Variants in LARGE1 observed in about 807,000 individuals in gnomAD.
The protein encoded by LARGE1 is xylosyl- and glucuronyltransferase LARGE1.
LARGE1 carries 43 observed loss-of-function variants against 87.6 expected under a neutral mutation model. The observed-to-expected ratio is 0.49, with a 90% confidence interval of 0.38 to 0.63. The LOEUF is 0.63. LARGE1 is among the 30% of genes least tolerant of loss of function. The pLI is 0.00. For synonymous variants in LARGE1, 434 were observed against 394.6 expected (o/e 1.10, Z -1.18); for missense variants, 802 against 1,000.2 (o/e 0.80, Z 2.67).
chr22:33,484,996 C>T (rs2069506553), intron 6 of LARGE1, among the ~76,000 whole-genome samples: 1 of 150,502 alleles, frequency 6.6e-6, no homozygotes. Context: ...ACTGCAACCT[C>T]CAACTTCAGG....
At chr22:33,453,076 T>C (rs1465193189) in intron 6 of LARGE1, among the ~76,000 whole-genome samples, 1 of 152,208 alleles carries the variant, frequency 6.6e-6, no homozygotes, top group East Asian at 1.9e-4. Context: ...GCCAACTTCA[T>C]CATCTCTACA....
chr22:33,759,213 A>C (rs1031169193), intron 2 of LARGE1, among the ~76,000 whole-genome samples: 3 of 152,198 alleles, frequency 2.0e-5, no homozygotes, highest in African/African-American at 7.2e-5. Context: ...ATTAACTATC[A>C]AATTCCCTTT....
chr22:33,921,044 A>T (rs1445073161), upstream of LARGE1, among the ~76,000 whole-genome samples: 2 of 148,186 alleles, frequency 1.3e-5, no homozygotes, highest in Non-Finnish European at 3.0e-5. This position sits in a 1 kb window ranked among gnomAD's most constrained non-coding sequence, Gnocchi z 4.1. Context: ...GCCGGGGGGG[A>T]CCGCGAGCCG....
the LARGE1 span, among the ~76,000 whole-genome samples, chr22:33,139,895 G>A: frequency 2.6e-5 from 4 of 152,238 alleles, no homozygotes; most frequent in East Asian, 7.7e-4. Context: ...ATAATCTCTG[G>A]GCCATTTCTT....
At chr22:33,271,330 T>C (rs987808855), downstream of LARGE1, among the ~76,000 whole-genome samples, 1 of 152,224 alleles carries the variant, frequency 6.6e-6, no homozygotes, top group Non-Finnish European at 1.5e-5. Flanking sequence ...TGCCATATAT[T>C]AACCATGTGA....
chr22:33,121,041 G>C, the LARGE1 span, among the ~76,000 whole-genome samples: 19 of 152,050 alleles, frequency 1.2e-4, no homozygotes, highest in South Asian at 1.5e-3. Flanking sequence ...GGTAACATCT[G>C]TGGTGTCAAG....
intron 1 of LARGE1, among the ~76,000 whole-genome samples, chr22:33,775,456 C>T (rs1048033398): frequency 6.6e-6 from 1 of 152,248 alleles, no homozygotes; most frequent in African/African-American, 2.4e-5. Context: ...CCCACACCAA[C>T]TCTGCTTTTC....
At chr22:33,708,880 C>T (rs927409005) in intron 2 of LARGE1, among the ~76,000 whole-genome samples, 5 of 151,998 alleles carry the variant, frequency 3.3e-5, no homozygotes, top group East Asian at 1.9e-4. Context: ...ATTACAGGCG[C>T]GAGCCATCAC....
intron 1 of LARGE1, among the ~76,000 whole-genome samples, chr22:33,837,280 A>ACACACACACACACC (rs2063138050): frequency 7.0e-6 from 1 of 142,396 alleles, no homozygotes; most frequent in African/African-American, 2.6e-5. Flanking sequence ...ACACACACAC[A>ACACACACACACACC]CCTATACATA....
At chr22:33,598,626 T>C (rs1194186073) in intron 5 of LARGE1, among the ~76,000 whole-genome samples, 1 of 152,136 alleles carries the variant, frequency 6.6e-6, no homozygotes, top group Non-Finnish European at 1.5e-5. Context: ...ATACAGAGCT[T>C]GGTTTTCTGT....
chr22:33,790,605 A>G (rs1437480609), intron 1 of LARGE1, among the ~76,000 whole-genome samples: 1 of 152,246 alleles, frequency 6.6e-6, no homozygotes, highest in Non-Finnish European at 1.5e-5. Flanking sequence ...TTTATAACTC[A>G]ACAGAAATAC....
intron 7 of LARGE1, among the ~76,000 whole-genome samples, chr22:33,406,456 C>T (rs1037324169): frequency 9.2e-5 from 14 of 152,210 alleles, no homozygotes; most frequent in African/African-American, 3.4e-4. Context: ...TACTACCACA[C>T]CGAGACAGAG....
intron 11 of LARGE1, among the ~76,000 whole-genome samples, chr22:33,195,952 G>C (rs1170790125): frequency 6.6e-6 from 1 of 151,432 alleles, no homozygotes; most frequent in African/African-American, 2.4e-5. Context: ...TAGAGACGGA[G>C]TTTCACCGTG....
At chr22:33,798,872 G>A (rs5999106) in intron 1 of LARGE1, among the ~76,000 whole-genome samples, 6 of 152,222 alleles carry the variant, frequency 3.9e-5, no homozygotes, top group South Asian at 2.1e-4. Context: ...AATGGAGCAC[G>A]AGCACATACA....
At chr22:33,538,757 C>A (rs1443896460) in intron 6 of LARGE1, among the ~76,000 whole-genome samples, 2 of 152,116 alleles carry the variant, frequency 1.3e-5, no homozygotes, top group East Asian at 3.9e-4. Flanking sequence ...GACAAGGAAG[C>A]CGTCTACAAG....
intron 5 of LARGE1, among the ~76,000 whole-genome samples, chr22:33,596,238 T>G (rs1044414232): frequency 3.3e-5 from 5 of 152,266 alleles, no homozygotes; most frequent in Non-Finnish European, 7.3e-5. Context: ...TATTTTATAA[T>G]GCAGATTAGA....
At chr22:33,843,188 C>CT (rs968262888) in intron 1 of LARGE1, among the ~76,000 whole-genome samples, 4 of 152,222 alleles carry the variant, frequency 2.6e-5, no homozygotes, top group African/African-American at 9.6e-5. Context: ...CCCCACCGCC[C>CT]TGTGCGTGTG....
intron 6 of LARGE1, among the ~76,000 whole-genome samples, chr22:33,514,718 C>T (rs2071218713): frequency 1.3e-5 from 2 of 152,122 alleles, no homozygotes; most frequent in South Asian, 4.1e-4. Flanking sequence ...ATATATATAT[C>T]ATATAGCCTT....
chr22:33,450,630 A>G (rs796556069), intron 6 of LARGE1, among the ~76,000 whole-genome samples: 1 of 70,322 alleles, frequency 1.4e-5, no homozygotes. Flanking sequence ...TAAATAAATA[A>G]ATAAATAAAT....
Sources: gnomAD v4.1 joint callset for allele counts (sites outside exome capture counted in the v4.1 genomes callset) on GRCh38, gnomAD v4.1.1 for gene constraint, Gnocchi (gnomAD v3.1) non-coding constraint, MANE v1.5 for transcripts, NCBI Gene and HGNC (gene_info 2026-07-23, HGNC 2026-07-21) for gene names.